WDR72: variants seen among roughly 807,000 people sequenced by gnomAD.
WDR72 encodes WD repeat domain 72.
WDR72 carries 120 observed loss-of-function variants against 124.2 expected under a neutral mutation model. The ratio of observed to expected loss-of-function variants is 0.97; its 90% confidence interval spans 0.83 to 1.12. WDR72 has a LOEUF of 1.12. WDR72 is among the 50% of genes most tolerant of loss of function. WDR72 has a pLI of 0.00. For missense variants in WDR72, 1,387 were observed against 1,278.8 expected (o/e 1.08, Z -1.29); for synonymous variants, 452 against 441.7 (o/e 1.02, Z -0.29).
At chr15:53,582,808 T>C (rs2012001404) in intron 18 of WDR72, among the ~76,000 whole-genome samples, 2 of 151,956 alleles carry the variant, frequency 1.3e-5, no homozygotes. Context: ...CGTACATTCA[T>C]CAAACTATAT....
chr15:53,714,664 T>C (rs2017653269), intron 5 of WDR72, among the ~76,000 whole-genome samples, 154 bp from the exon 6 acceptor site: 2 of 152,186 alleles, frequency 1.3e-5, no homozygotes, highest in African/African-American at 4.8e-5. Context: ...ATAAACATTT[T>C]ACATCGTGCT....
chr15:53,653,453 G>A (rs1247785868), intron 14 of WDR72, among the ~76,000 whole-genome samples: 3 of 152,148 alleles, frequency 2.0e-5, no homozygotes, highest in Non-Finnish European at 4.4e-5. Flanking sequence ...TAGACTTGAA[G>A]GTATAGAATT....
At chr15:53,701,729 T>C (rs931454962) in intron 12 of WDR72, among the ~76,000 whole-genome samples, 1 of 152,180 alleles carries the variant, frequency 6.6e-6, no homozygotes, top group African/African-American at 2.4e-5. Context: ...AAGGCAAAAG[T>C]TAATTTCTAA....
At chr15:53,716,730 A>G (rs2017721978) in intron 3 of WDR72, 45 bp from the exon 4 acceptor site, 3 of 1,415,766 alleles carry the variant, frequency 2.1e-6, no homozygotes, top group Admixed American at 3.3e-5. Context: ...TTTCCACTCA[A>G]TTGGCTGGAA....
intron 1 of WDR72, among the ~76,000 whole-genome samples, chr15:53,754,239 G>A (rs2018843780): frequency 6.6e-6 from 1 of 152,050 alleles, no homozygotes; most frequent in Non-Finnish European, 1.5e-5. Context: ...CAAAGCATCA[G>A]AACTTAATAC....
upstream of WDR72, among the ~76,000 whole-genome samples, chr15:53,759,988 T>C (rs2140909506): frequency 6.7e-6 from 1 of 148,826 alleles, no homozygotes; most frequent in African/African-American, 2.5e-5. Context: ...CTCTTGACCC[T>C]AGGCATTGGC....
At chr15:53,550,110 TGAG>T (rs1252527225) in intron 18 of WDR72, among the ~76,000 whole-genome samples, 1 of 152,180 alleles carries the variant, frequency 6.6e-6, no homozygotes, top group Non-Finnish European at 1.5e-5. Flanking sequence ...TGGTAAGTGT[TGAG>T]GAAACAAGCT....
At chr15:53,552,410 T>G (rs774781386) in intron 18 of WDR72, among the ~76,000 whole-genome samples, 7 of 152,166 alleles carry the variant, frequency 4.6e-5, no homozygotes, top group Non-Finnish European at 1.0e-4. Flanking sequence ...AGGACCAACG[T>G]GACCTTTACT....
At chr15:53,596,981 T>C (rs2012807077) in intron 18 of WDR72, 98 bp downstream of exon 18, 1 of 1,160,630 alleles carries the variant, frequency 8.6e-7, no homozygotes, top group African/African-American at 1.5e-5. Context: ...TGCACCATGA[T>C]ATAATCGAAA....
rs781155495 is a variant in WDR72 at position 53,715,341 on chromosome 15, T to C, written c.366A>G (p.Thr122=). Residue 122 remains threonine, a synonymous_variant, in exon 5 of 20, where the codon ACA becomes ACG. Transcript: ENST00000360509. ...ICYYHCSFRM[T]GEGWLLCCGE... ...CACAACAAAGAAGCCAGCCTTCTCCTGTCATCCGGAATGAGCAGTGGTAAT... is the reference window on the plus strand; with the variant it reads ...CACAACAAAGAAGCCAGCCTTCTCCCGTCATCCGGAATGAGCAGTGGTAAT... 1 of 1,614,198 alleles carries C rather than the reference T, an allele frequency of 6.2e-7. No individual in the cohort carries two copies. Among genetic ancestry groups the C allele is most frequent in the South Asian group, 1.1e-5 (1 of 91,088 alleles).
At chr15:53,622,306 T>C (rs2014026769) in intron 14 of WDR72, among the ~76,000 whole-genome samples, 1 of 152,020 alleles carries the variant, frequency 6.6e-6, no homozygotes, top group South Asian at 2.1e-4. Context: ...AATCATTCTA[T>C]TATAAAGATA....
In WDR72 at chr15:53,587,637, T is replaced by C. The variant is rs116256995; in HGVS notation, c.3148+9442A>G. On this transcript the variant is annotated intron_variant, in intron 18 of 19. Coordinates refer to ENST00000360509, the MANE Select transcript of WDR72 (RefSeq NM_182758.4). ...AGCATTACAAAATATTGGCTAGGAT[T>C]GAGAGCACTGAGATCCACTACGATT... is the stretch of plus-strand genomic sequence containing the variant. Among the ~76,000 whole-genome samples, 389 of 152,184 alleles carry C rather than the reference T, an allele frequency of 2.6e-3. 2 individuals carry two copies. Among genetic ancestry groups the C allele is most frequent in the African/African-American group, 9.1e-3 (378 of 41,566 alleles).
chr15:53,555,511 G>A (rs1893897420), intron 18 of WDR72, among the ~76,000 whole-genome samples: 1 of 151,938 alleles, frequency 6.6e-6, no homozygotes, highest in Non-Finnish European at 1.5e-5. Flanking sequence ...TCTCCTTCTG[G>A]CTCATTTGCC....
chr15:53,694,028 A>C (rs145338061), intron 13 of WDR72, among the ~76,000 whole-genome samples: 14 of 152,284 alleles, frequency 9.2e-5, no homozygotes, highest in African/African-American at 3.4e-4. Context: ...CTAATTGGTC[A>C]AAGACTTCAG....
intron 18 of WDR72, among the ~76,000 whole-genome samples, chr15:53,572,627 T>C (rs766213274): frequency 5.9e-5 from 9 of 152,190 alleles, no homozygotes; most frequent in Admixed American, 2.0e-4. Flanking sequence ...TGGGAGATAA[T>C]GGGATCCTTG....
intron 13 of WDR72, among the ~76,000 whole-genome samples, chr15:53,671,493 TGG>T (rs1595836195): frequency 1.3e-5 from 2 of 152,306 alleles, no homozygotes; most frequent in East Asian, 3.9e-4. Flanking sequence ...TCCATGAGCT[TGG>T]TACAAAGCAG....
At chr15:53,609,843 T>TACACACACAC (rs72440914) in intron 16 of WDR72, among the ~76,000 whole-genome samples, 44 of 150,006 alleles carry the variant, frequency 2.9e-4, no homozygotes, top group African/African-American at 8.8e-4. Flanking sequence ...TGTACATTTA[T>TACACACACAC]ACACACACAC....
At chr15:53,597,937 C>T (rs2012854503) in intron 17 of WDR72, among the ~76,000 whole-genome samples, 1 of 152,124 alleles carries the variant, frequency 6.6e-6, no homozygotes. Context: ...CATGACACCT[C>T]AAGCTTACAC....
At chr15:53,531,737 A>G (rs1892480373) in intron 18 of WDR72, among the ~76,000 whole-genome samples, 1 of 151,514 alleles carries the variant, frequency 6.6e-6, no homozygotes, top group African/African-American at 2.4e-5. Context: ...GGTTCCATAC[A>G]AAAGAGATGT....
Sources: allele counts gnomAD v4.1 joint callset (sites outside exome capture counted in the v4.1 genomes callset), GRCh38; gene constraint gnomAD v4.1.1; transcripts MANE v1.5; gene names NCBI Gene and HGNC (gene_info 2026-07-23, HGNC 2026-07-21).